The following MS4A15 variants were observed in gnomAD, a reference collection of about 807,000 sequenced individuals.
The protein encoded by MS4A15 is membrane spanning 4-domains A15.
In MS4A15, 22 loss-of-function variants were observed where a neutral mutation model predicts 20.6. The observed-to-expected ratio is 1.07, with a 90% confidence interval of 0.76 to 1.52. MS4A15 has a LOEUF of 1.52. Among genes scored for constraint, MS4A15 ranks in the 40% most tolerant of loss-of-function variants. The pLI is 0.00. For synonymous variants in MS4A15, 129 were observed against 129.3 expected (o/e 1.00, Z 0.02); for missense variants, 312 against 323.0 (o/e 0.97, Z 0.26).
In MS4A15 at chr11:60,775,819, C is replaced by T; in HGVS notation, c.*104C>T. The T allele has an allele frequency of 2.4e-6, 2 of 825,216 alleles. No homozygotes were observed. The highest frequency in any genetic ancestry group is 3.9e-6 in the Non-Finnish European group (2 of 510,962). The allele number at this position is 825,216 out of a possible 1,614,324, so 51.1% of individuals were successfully genotyped here. A position where few individuals can be genotyped will look rare whatever the true frequency, so the allele number is the denominator to read the frequency against. On this transcript the variant is annotated 3_prime_UTR_variant, in exon 7 of 7. Transcript: ENST00000405633. Reference sequence around the variant, plus strand: ...TCAGGGGCCAGCCCCATCCCAGCTGCCCTCCCTCACCACATCTACACATAC... The same window carrying T: ...TCAGGGGCCAGCCCCATCCCAGCTGTCCTCCCTCACCACATCTACACATAC...
intron 1 of MS4A15, among the ~76,000 whole-genome samples, chr11:60,759,734 C>A (rs189653136): frequency 6.6e-6 from 1 of 152,286 alleles, no homozygotes; most frequent in Admixed American, 6.5e-5. Context: ...TTACTCTTTA[C>A]TAACTGAGAT....
chr11:60,771,900 C>T, intron 4 of MS4A15: 1 of 543,568 alleles, frequency 1.8e-6, no homozygotes, highest in Non-Finnish European at 2.7e-6. Flanking sequence ...TTATGTCAGG[C>T]TCAGAGAACA....
intron 1 of MS4A15, among the ~76,000 whole-genome samples, chr11:60,759,594 G>C (rs1853681458): frequency 6.6e-6 from 1 of 151,980 alleles, no homozygotes; most frequent in Non-Finnish European, 1.5e-5. Flanking sequence ...ATAAGAGGAA[G>C]TCCTCTGTTT....
At chr11:60,758,910 A>G (rs1333444538) in intron 1 of MS4A15, among the ~76,000 whole-genome samples, 1 of 152,244 alleles carries the variant, frequency 6.6e-6, no homozygotes, top group Non-Finnish European at 1.5e-5. Context: ...ACATTTTAAA[A>G]CCACGCAACA....
At chr11:60,760,254 A>C (rs926256525) in intron 1 of MS4A15, among the ~76,000 whole-genome samples, 16 of 152,236 alleles carry the variant, frequency 1.1e-4, no homozygotes, top group African/African-American at 3.9e-4. Flanking sequence ...CAAGCTGATC[A>C]TGCTTTTTTT....
At chr11:60,757,743 C>T (rs149631249) in intron 1 of MS4A15, among the ~76,000 whole-genome samples, 150 of 152,270 alleles carry the variant, frequency 9.9e-4, no homozygotes, top group African/African-American at 3.5e-3. Flanking sequence ...TGGATAAGAC[C>T]TCCAGTCAGT....
intron 4 of MS4A15, chr11:60,771,848 C>T: frequency 1.9e-6 from 2 of 1,057,908 alleles, no homozygotes; most frequent in Non-Finnish European, 2.4e-6. Flanking sequence ...CTTCTGCAGG[C>T]ACTGGGAGGC....
rs554254008 is a variant in MS4A15 at position 60,763,870 on chromosome 11, C to T, written c.137C>T (p.Pro46Leu). 7.4e-6 allele frequency: 12 copies of T among 1,612,872 alleles called. No homozygotes were observed. Among genetic ancestry groups the T allele is most frequent in the Admixed American group, 3.3e-5 (2 of 60,002 alleles). The change falls in exon 2 of 7, where the codon CCG (proline) becomes CTG (leucine). Residue 46 changes from proline to leucine, a missense_variant. Physicochemically the swap from Pro to Leu is moderately conservative, Grantham distance 98. Coordinates refer to ENST00000405633, the MANE Select transcript of MS4A15 (RefSeq NM_001098835.2). ...PPGIMQFEEP[P>L]LGAQTPRATQ... The stretch of plus-strand genomic sequence containing the variant: ...GGGATTATGCAGTTTGAGGAGCCAC[C>T]GCTGGGGGCACAGACACCAAGGGCC...
chr11:60,764,057 A>G (rs1853820297), intron 2 of MS4A15, 99 bp downstream of exon 2: 1 of 1,077,468 alleles, frequency 9.3e-7, no homozygotes, highest in Non-Finnish European at 1.3e-6. Flanking sequence ...CAGTTAACAA[A>G]TATGTAGTAA....
At chr11:60,771,859 G>A (rs1590985172) in intron 4 of MS4A15, 12 of 974,108 alleles carry the variant, frequency 1.2e-5, no homozygotes, top group East Asian at 6.2e-5. Context: ...ACTGGGAGGC[G>A]ATGGAGGCTT....
chr11:60,775,010 C>A (rs1252469676), intron 6 of MS4A15, among the ~76,000 whole-genome samples: 1 of 152,152 alleles, frequency 6.6e-6, no homozygotes, highest in African/African-American at 2.4e-5. Flanking sequence ...CAGGCCAGGG[C>A]AGTCGGGAGA....
At chr11:60,772,208 G>A (rs78833802) in intron 4 of MS4A15, among the ~76,000 whole-genome samples, 347 of 152,276 alleles carry the variant, frequency 2.3e-3, no homozygotes, top group African/African-American at 8.1e-3. Flanking sequence ...CCAGAGTGCT[G>A]GACCATCACA....
chr11:60,771,269 C>T, intron 3 of MS4A15, 22 bp from the exon 4 acceptor site: 2 of 1,613,062 alleles, frequency 1.2e-6, no homozygotes, highest in Non-Finnish European at 1.7e-6. Flanking sequence ...GAGGCCTCAC[C>T]TGGTCCCCTC....
At chr11:60,761,542 G>A (rs112633447) in intron 1 of MS4A15, among the ~76,000 whole-genome samples, 5 of 152,254 alleles carry the variant, frequency 3.3e-5, no homozygotes, top group South Asian at 2.1e-4. Flanking sequence ...GAGTCCCCAT[G>A]GTTATCTTAT....
At chr11:60,764,207 G>A (rs1337174455) in intron 2 of MS4A15, among the ~76,000 whole-genome samples, 1 of 152,208 alleles carries the variant, frequency 6.6e-6, no homozygotes, top group African/African-American at 2.4e-5. Flanking sequence ...GGGCTAAGGG[G>A]AATACTAGCG....
intron 1 of MS4A15, 39 bp from the exon 2 acceptor site, chr11:60,763,667 C>T: frequency 6.4e-7 from 1 of 1,552,402 alleles, no homozygotes; most frequent in Non-Finnish European, 8.9e-7. Context: ...GCTTTATGCA[C>T]ATGGGTGACA....
rs531149742 is a variant in MS4A15, at chr11:60,772,491, C to T, written c.406-901C>T. ...GACCTGACTTACTCTCTCCTGGACTCACAGCACTTTGCATAGTGCCTGGCA... is the reference window on the plus strand; with the variant it reads ...GACCTGACTTACTCTCTCCTGGACTTACAGCACTTTGCATAGTGCCTGGCA... On this transcript the variant is annotated intron_variant, in intron 4 of 6. Coordinates refer to ENST00000405633, the MANE Select transcript of MS4A15 (RefSeq NM_001098835.2). Among the ~76,000 whole-genome samples the T allele has an allele frequency of 5.9e-5, 9 of 152,280 alleles. No individual in the cohort carries two copies. The East Asian group carries it at 1.5e-3, about 26-fold the overall frequency.
chr11:60,765,353 C>T (rs1346582203), intron 2 of MS4A15, among the ~76,000 whole-genome samples: 1 of 151,996 alleles, frequency 6.6e-6, no homozygotes, highest in Non-Finnish European at 1.5e-5. Flanking sequence ...GTAGATTCTT[C>T]AGTATGTTCC....
At chr11:60,774,876 A>G (rs1299384547) in intron 6 of MS4A15, among the ~76,000 whole-genome samples, 4 of 152,090 alleles carry the variant, frequency 2.6e-5, no homozygotes, top group Non-Finnish European at 5.9e-5. Flanking sequence ...TGGTTGAGGG[A>G]AATCAGTCAA....
Sources: allele counts gnomAD v4.1 joint callset (sites outside exome capture counted in the v4.1 genomes callset), GRCh38; gene constraint gnomAD v4.1.1; transcripts MANE v1.5; gene names NCBI Gene and HGNC (gene_info 2026-07-23, HGNC 2026-07-21).